The following DAB2IP variants were observed in gnomAD, a reference collection of about 807,000 sequenced individuals.
DAB2IP encodes the protein DAB2 interacting protein.
A neutral mutation model predicts 107.2 loss-of-function variants in DAB2IP; 28 were observed. The ratio of observed to expected loss-of-function variants is 0.26; its 90% confidence interval spans 0.19 to 0.36. The LOEUF is 0.36. Among genes scored for constraint, DAB2IP ranks in the 10% least tolerant of loss-of-function variants. The pLI, the probability that DAB2IP is intolerant of heterozygous loss-of-function variation, is 1.00. For synonymous variants in DAB2IP, 755 were observed against 706.4 expected (o/e 1.07, Z -1.09); for missense variants, 1,400 against 1,644.7 (o/e 0.85, Z 2.57).
At chr9:121,583,701 C>T (rs955876249) in intron 1 of DAB2IP, among the ~76,000 whole-genome samples, 8 of 152,180 alleles carry the variant, frequency 5.3e-5, no homozygotes, top group Non-Finnish European at 8.8e-5. Flanking sequence ...CATAGCACTT[C>T]GGCATCACCT....
At chr9:121,756,955 G>A in intron 3 of DAB2IP, 58 bp from the exon 4 acceptor site, 2 of 1,610,900 alleles carry the variant, frequency 1.2e-6, no homozygotes, top group Non-Finnish European at 8.5e-7. Flanking sequence ...GGTGGGACAT[G>A]GCAACCAGCT....
At chr9:121,609,628 C>T (rs929428023) in intron 1 of DAB2IP, among the ~76,000 whole-genome samples, 5 of 152,250 alleles carry the variant, frequency 3.3e-5, no homozygotes, top group African/African-American at 1.2e-4. Context: ...GTGGGCAGGA[C>T]AGGAGCTAAG....
intron 3 of DAB2IP, chr9:121,752,972 T>A (rs1833227165): frequency 2.0e-5 from 3 of 152,226 alleles, no homozygotes; most frequent in Admixed American, 2.0e-4. Flanking sequence ...GGCACATCTC[T>A]TGCCCTCCCT....
intron 1 of DAB2IP, among the ~76,000 whole-genome samples, chr9:121,672,042 G>A (rs1833704658): frequency 6.6e-6 from 1 of 152,248 alleles, no homozygotes; most frequent in Admixed American, 6.5e-5. Context: ...CAGCAGTGAT[G>A]AAAGTGTTCT....
At chr9:121,609,957 G>A (rs10985333) in intron 1 of DAB2IP, among the ~76,000 whole-genome samples, 1 of 152,082 alleles carries the variant, frequency 6.6e-6, no homozygotes, top group South Asian at 2.1e-4. Flanking sequence ...TCCTGGCGTC[G>A]GTGTGGCTTA....
chr9:121,627,009 A>C (rs940054905), intron 1 of DAB2IP, among the ~76,000 whole-genome samples: 1 of 151,778 alleles, frequency 6.6e-6, no homozygotes, highest in Non-Finnish European at 1.5e-5. Context: ...AACATCCTGC[A>C]CCAAAATCTG....
At chr9:121,726,714 C>T (rs1382045908) in intron 3 of DAB2IP, among the ~76,000 whole-genome samples, 1 of 152,082 alleles carries the variant, frequency 6.6e-6, no homozygotes, top group African/African-American at 2.4e-5. Context: ...CCCACCACAT[C>T]TGGTGTTGGA....
At chr9:121,737,409 G>A in intron 3 of DAB2IP, 1 of 985,476 alleles carries the variant, frequency 1.0e-6, no homozygotes, top group South Asian at 4.7e-5. Context: ...CAGCTTGGAA[G>A]ACACAGATTC....
At chr9:121,740,276 T>C (rs916230124) in intron 3 of DAB2IP, among the ~76,000 whole-genome samples, 1 of 152,134 alleles carries the variant, frequency 6.6e-6, no homozygotes, top group Admixed American at 6.6e-5. Flanking sequence ...ACAGTGATCT[T>C]TCCCAGCTCT....
chr9:121,675,063 TA>T (rs1833840894), intron 1 of DAB2IP, among the ~76,000 whole-genome samples: 1 of 151,910 alleles, frequency 6.6e-6, no homozygotes, highest in South Asian at 2.1e-4. Flanking sequence ...GCATCTTGAC[TA>T]AGCACTGCAG....
At position 121,582,286 on chromosome 9, in the gene DAB2IP, A is replaced by C. The variant is rs1265944863; in HGVS notation, c.40+15058A>C. 3.3e-5 allele frequency among the ~76,000 whole-genome samples: 5 copies of C among 151,994 alleles called. No homozygotes were observed. The East Asian group carries it at 9.7e-4, about 29-fold the overall frequency. On this transcript the variant is annotated intron_variant, in intron 1 of 16. Coordinates refer to the DAB2IP transcript ENST00000259371. Reference sequence around the variant, plus strand: ...GGTCCTGGGGGTGAAGAGGTCAGGGACTGCCTTGAGGTGGGGGCCAGGCCA... The same window carrying C: ...GGTCCTGGGGGTGAAGAGGTCAGGGCCTGCCTTGAGGTGGGGGCCAGGCCA...
At chr9:121,616,124 G>T (rs1010548905) in intron 1 of DAB2IP, among the ~76,000 whole-genome samples, 1 of 152,022 alleles carries the variant, frequency 6.6e-6, no homozygotes, top group African/African-American at 2.4e-5. Flanking sequence ...CCCAAAATTC[G>T]ACCCCACCTT....
At chr9:121,722,777 T>A (rs189663362) in intron 3 of DAB2IP, among the ~76,000 whole-genome samples, 38 of 152,126 alleles carry the variant, frequency 2.5e-4, no homozygotes, top group Non-Finnish European at 4.0e-4. Flanking sequence ...GGAGTTTGAG[T>A]CTAGCCTGGG....
intron 14 of DAB2IP, among the ~76,000 whole-genome samples, chr9:121,779,271 TTC>T (rs1407472642): frequency 1.3e-5 from 2 of 152,264 alleles, no homozygotes; most frequent in Admixed American, 6.5e-5. Flanking sequence ...GTGCTTTTAC[TTC>T]TGTTTTCTGA....
intron 1 of DAB2IP, among the ~76,000 whole-genome samples, chr9:121,663,221 C>T (rs1473080638): frequency 6.6e-6 from 1 of 152,154 alleles, no homozygotes; most frequent in Non-Finnish European, 1.5e-5. Flanking sequence ...TCGACAGATG[C>T]TGAAAACCTT....
chr9:121,598,290 AC>A (rs1432810538), intron 1 of DAB2IP: 1 of 152,290 alleles, frequency 6.6e-6, no homozygotes, highest in East Asian at 1.9e-4. Flanking sequence ...TTCTGTCTGT[AC>A]GACTGGGAGA....
At chr9:121,748,448 T>A (rs1832870284) in intron 3 of DAB2IP, among the ~76,000 whole-genome samples, 1 of 152,178 alleles carries the variant, frequency 6.6e-6, no homozygotes, top group African/African-American at 2.4e-5. Flanking sequence ...CCACTCCCTG[T>A]CTCTAAGCCT....
chr9:121,734,302 A>T (rs529411036), intron 3 of DAB2IP, among the ~76,000 whole-genome samples: 2 of 149,748 alleles, frequency 1.3e-5, no homozygotes, highest in Admixed American at 1.3e-4. Flanking sequence ...GCGTGAACCC[A>T]GGAAGCGGAG....
At chr9:121,641,848 TTTTC>T (rs766902853) in intron 1 of DAB2IP, among the ~76,000 whole-genome samples, 15 of 151,052 alleles carry the variant, frequency 9.9e-5, no homozygotes, top group African/African-American at 2.0e-4. Context: ...CTTTCTTTCT[TTTTC>T]TTTCTTTCTT....
Sources: gnomAD v4.1 joint callset for allele counts (sites outside exome capture counted in the v4.1 genomes callset) on GRCh38, gnomAD v4.1.1 for gene constraint, MANE v1.5 for transcripts, NCBI Gene and HGNC (gene_info 2026-07-23, HGNC 2026-07-21) for gene names.